SCFD2: variants seen among roughly 807,000 people sequenced by gnomAD.
The protein encoded by SCFD2 is sec1 family domain-containing protein 2.
Under a neutral mutation model 58.9 loss-of-function variants are expected in SCFD2, and 54 were observed. The ratio of observed to expected loss-of-function variants is 0.92; its 90% CI spans 0.74 to 1.15. The LOEUF is 1.15. SCFD2 is among the 50% of genes most tolerant of loss of function. The pLI, the probability that SCFD2 is intolerant of heterozygous loss-of-function variation, is 0.00. For missense variants in SCFD2, 805 were observed against 836.6 expected, an observed-to-expected ratio of 0.96 and a Z score of 0.47; for synonymous variants, 321 against 335.9, an observed-to-expected ratio of 0.96 and a Z score of 0.49.
chr4:53,278,307 C>T (rs1731396520), intron 3 of SCFD2, among the ~76,000 whole-genome samples: 1 of 150,752 alleles, frequency 6.6e-6, no homozygotes, highest in African/African-American at 2.4e-5. Context: ...TGGAGTAAGC[C>T]GAGATTGCAC....
chr4:52,978,868 A>G (rs1478524428), intron 5 of SCFD2, among the ~76,000 whole-genome samples: 1 of 127,250 alleles, frequency 7.9e-6, no homozygotes, highest in African/African-American at 2.5e-5. Flanking sequence ...TAAAGCAGGG[A>G]AAAAAATTAA....
chr4:52,936,021 G>A (rs1325448195), intron 5 of SCFD2, among the ~76,000 whole-genome samples: 2 of 152,010 alleles, frequency 1.3e-5, no homozygotes, highest in Non-Finnish European at 2.9e-5. Context: ...ATTTTTAGTA[G>A]AGACAGGGTT....
intron 4 of SCFD2, among the ~76,000 whole-genome samples, chr4:53,165,280 T>C (rs1000623410): frequency 6.6e-6 from 1 of 152,234 alleles, no homozygotes; most frequent in Non-Finnish European, 1.5e-5. Flanking sequence ...GTGCACGCAC[T>C]GTCTCTTCAA....
At chr4:53,250,920 C>T (rs1476057891) in intron 4 of SCFD2, among the ~76,000 whole-genome samples, 3 of 152,072 alleles carry the variant, frequency 2.0e-5, no homozygotes, top group Non-Finnish European at 4.4e-5. Flanking sequence ...GAAATAGAGA[C>T]ACAAAAAACC....
chr4:53,297,980 C>T (rs56253821), intron 3 of SCFD2, among the ~76,000 whole-genome samples: 1 of 152,052 alleles, frequency 6.6e-6, no homozygotes, highest in African/African-American at 2.4e-5. Context: ...CCAAGATGGC[C>T]GAATAGGAAC....
intron 5 of SCFD2, among the ~76,000 whole-genome samples, chr4:52,976,236 A>T (rs1721258594): frequency 6.6e-6 from 1 of 152,206 alleles, no homozygotes; most frequent in Non-Finnish European, 1.5e-5. Context: ...TTGTAAAAAG[A>T]AAGTGATAGG....
At chr4:53,176,365 A>G (rs1727328411) in intron 4 of SCFD2, among the ~76,000 whole-genome samples, 1 of 152,076 alleles carries the variant, frequency 6.6e-6, no homozygotes, top group South Asian at 2.1e-4. Flanking sequence ...GAAACACATA[A>G]CTGAAACCCT....
At chr4:52,885,483 C>T (rs999327618) in intron 8 of SCFD2, among the ~76,000 whole-genome samples, 5 of 152,164 alleles carry the variant, frequency 3.3e-5, no homozygotes, top group African/African-American at 1.2e-4. Flanking sequence ...GGTGTCATAG[C>T]ATTTAACCTG....
chr4:53,298,086 C>T (rs1444554438), intron 3 of SCFD2, among the ~76,000 whole-genome samples: 4 of 152,062 alleles, frequency 2.6e-5, no homozygotes, highest in Admixed American at 1.3e-4. Flanking sequence ...TGGGGAGTGC[C>T]GGACAGTGGG....
chr4:52,966,647 TA>T (rs1295230626), intron 5 of SCFD2, among the ~76,000 whole-genome samples: 4 of 152,138 alleles, frequency 2.6e-5, no homozygotes, highest in African/African-American at 9.7e-5. Context: ...TTTAGATTTA[TA>T]AAAAAAGTGA....
intron 3 of SCFD2, among the ~76,000 whole-genome samples, chr4:53,275,261 ATCTT>A (rs752354346): frequency 2.0e-4 from 31 of 152,356 alleles, no homozygotes; most frequent in South Asian, 8.3e-4. Flanking sequence ...CCTACAACAT[ATCTT>A]TCTATCTTTT....
intron 3 of SCFD2, among the ~76,000 whole-genome samples, chr4:53,294,813 T>C (rs915116692): frequency 1.1e-4 from 17 of 152,152 alleles, no homozygotes; most frequent in Non-Finnish European, 2.1e-4. Flanking sequence ...AGTTGATTTT[T>C]GTGTAGGTGT....
intron 5 of SCFD2, chr4:52,948,617 G>A (rs1720504163): frequency 2.2e-6 from 1 of 448,902 alleles, no homozygotes; most frequent in Non-Finnish European, 4.5e-6. Flanking sequence ...GCAACCAGTG[G>A]TTCACATATG....
chr4:52,971,843 GA>G (rs1560497863), intron 5 of SCFD2, among the ~76,000 whole-genome samples: 1 of 152,208 alleles, frequency 6.6e-6, no homozygotes, highest in Non-Finnish European at 1.5e-5. Flanking sequence ...CAAGCCAGAA[GA>G]GAGTGGGGGC....
chr4:53,135,890 C>A (rs1209649662), intron 5 of SCFD2, among the ~76,000 whole-genome samples: 1 of 152,128 alleles, frequency 6.6e-6, no homozygotes, highest in African/African-American at 2.4e-5. Context: ...ATATTTCTTG[C>A]TAGCCTCTGT....
At chr4:52,993,997 C>T (rs1251781174) in intron 5 of SCFD2, among the ~76,000 whole-genome samples, 2 of 152,256 alleles carry the variant, frequency 1.3e-5, no homozygotes, top group Non-Finnish European at 1.5e-5. Flanking sequence ...CCTCCCAGCC[C>T]TGAGGCTGGT....
intron 5 of SCFD2, among the ~76,000 whole-genome samples, chr4:53,137,597 C>T (rs1183612264): frequency 6.6e-6 from 1 of 152,136 alleles, no homozygotes; most frequent in South Asian, 2.1e-4. Context: ...TATTATCATG[C>T]CTCTATCATG....
intron 4 of SCFD2, among the ~76,000 whole-genome samples, chr4:53,216,488 T>G (rs980524106): frequency 7.2e-5 from 11 of 152,226 alleles, no homozygotes; most frequent in African/African-American, 2.7e-4. Flanking sequence ...GGATTGGTGG[T>G]GATATCCCCT....
chr4:53,364,204 T>C (rs147239699), intron 1 of SCFD2, among the ~76,000 whole-genome samples: 392 of 152,326 alleles, frequency 2.6e-3, no homozygotes, highest in African/African-American at 8.7e-3. Context: ...CCATTTTTTA[T>C]CTGAAAATTA....
Sources: allele counts gnomAD v4.1 joint callset (sites outside exome capture counted in the v4.1 genomes callset), GRCh38; gene constraint gnomAD v4.1.1; transcripts MANE v1.5; gene names NCBI Gene and HGNC (gene_info 2026-07-23, HGNC 2026-07-21).